GSR: variants seen among roughly 807,000 people sequenced by gnomAD.
The protein encoded by GSR is glutathione-disulfide reductase, also known as glutathione reductase, mitochondrial.
Under a neutral mutation model 56.5 loss-of-function variants are expected in GSR, and 48 were observed. The observed-to-expected ratio is 0.85, with a 90% CI of 0.67 to 1.08. The LOEUF is 1.08. Ranked by LOEUF, GSR falls within the 50% of genes least tolerant of loss-of-function variation. The pLI is 0.00. For missense variants in GSR, 694 were observed against 703.3 expected, an observed-to-expected ratio of 0.99 and a Z score of 0.15; for synonymous variants, 264 against 270.8, an observed-to-expected ratio of 0.97 and a Z score of 0.25.
At chr8:30,695,755 C>G (rs1332192004) in intron 7 of GSR, among the ~76,000 whole-genome samples, 1 of 151,996 alleles carries the variant, frequency 6.6e-6, no homozygotes. Context: ...AATAAATTAA[C>G]CTGGCGGGGC....
At chr8:30,709,598 A>C (rs1804037153) in intron 3 of GSR, among the ~76,000 whole-genome samples, 1 of 152,176 alleles carries the variant, frequency 6.6e-6, no homozygotes, top group Admixed American at 6.6e-5. Context: ...GGGATAGCAG[A>C]AAAGTTCTGG....
At chr8:30,720,385 G>A (rs1241521641) in intron 1 of GSR, among the ~76,000 whole-genome samples, 5 of 152,038 alleles carry the variant, frequency 3.3e-5, no homozygotes, top group Non-Finnish European at 7.4e-5. Context: ...AAACACTATC[G>A]ATTTATCAAC....
chr8:30,715,170 G>A (rs1313443366), intron 1 of GSR, among the ~76,000 whole-genome samples: 3 of 152,092 alleles, frequency 2.0e-5, no homozygotes, highest in African/African-American at 4.8e-5. Context: ...GTGCATGCCC[G>A]TAGTTCCAGC....
At chr8:30,684,603 A>G (rs931241608) in intron 9 of GSR, among the ~76,000 whole-genome samples, 8 of 152,208 alleles carry the variant, frequency 5.3e-5, no homozygotes, top group Middle Eastern at 3.2e-3. Context: ...TGTACAATTC[A>G]ACTGGCCAGG....
At chr8:30,699,291 TA>T (rs922563449) in intron 6 of GSR, among the ~76,000 whole-genome samples, 35 of 145,800 alleles carry the variant, frequency 2.4e-4, no homozygotes, top group East Asian at 8.0e-4. Context: ...ACCCTGTCTC[TA>T]AAAAAAAAAA....
At chr8:30,708,958 C>CAAAA (rs769951825) in intron 3 of GSR, among the ~76,000 whole-genome samples, 1 of 56,674 alleles carries the variant, frequency 1.8e-5, no homozygotes. Context: ...GACTCCGTCT[C>CAAAA]AAAAAAAAAA....
chr8:30,683,526 G>C (rs1459587398), intron 10 of GSR, among the ~76,000 whole-genome samples: 1 of 152,068 alleles, frequency 6.6e-6, no homozygotes, highest in Non-Finnish European at 1.5e-5. Context: ...GCCATGTGTG[G>C]TGGCTCATGC....
At chr8:30,696,872 T>G (rs1300638877) in intron 6 of GSR, among the ~76,000 whole-genome samples, 6 of 152,116 alleles carry the variant, frequency 3.9e-5, no homozygotes, top group African/African-American at 1.2e-4. Context: ...AGTTTTATAT[T>G]TTCTTTTGTA....
intron 1 of GSR, among the ~76,000 whole-genome samples, chr8:30,725,629 C>A (rs1465784591): frequency 1.3e-5 from 2 of 151,432 alleles, no homozygotes; most frequent in African/African-American, 4.9e-5. Context: ...TGCTTGTAAT[C>A]CAAGCACTTT....
chr8:30,709,942 A>C (rs938748737), intron 2 of GSR, 40 bp from the exon 3 acceptor site: 2 of 1,088,430 alleles, frequency 1.8e-6, no homozygotes, highest in Non-Finnish European at 1.4e-6. Flanking sequence ...AAACAGCAGT[A>C]AATCAGTCCT....
chr8:30,697,339 A>C (rs1803579279), intron 6 of GSR, among the ~76,000 whole-genome samples: 1 of 151,888 alleles, frequency 6.6e-6, no homozygotes, highest in South Asian at 2.1e-4. Flanking sequence ...GCTTGCCCTT[A>C]GGAGGCAGAG....
intron 10 of GSR, among the ~76,000 whole-genome samples, chr8:30,682,916 C>T (rs1301782545): frequency 1.3e-5 from 2 of 151,958 alleles, no homozygotes; most frequent in Non-Finnish European, 2.9e-5. Context: ...CAACCTCTGC[C>T]TCCCGGGTTG....
chr8:30,693,032 C>T lies in GSR; in HGVS notation c.819G>A (p.Met273Ile). The T allele has an allele frequency of 1.9e-6, 3 of 1,611,456 alleles. No homozygotes were observed. The highest frequency in any genetic ancestry group is 2.5e-6 in the Non-Finnish European group (3 of 1,177,912). ...GCTCCTCCGTGCAGTTGGTGCTGAT[C>T]ATTGAATCAAAACTTCTAAGTACCT... Reference protein sequence around the residue: ...HDKVLRSFDSMISTNCTEELE... With the variant: ...HDKVLRSFDSIISTNCTEELE... Residue 273 changes from methionine (M) to isoleucine (I), a missense_variant, in exon 8 of 13, where the codon ATG becomes ATA. Coordinates refer to ENST00000221130, the MANE Select transcript of GSR (RefSeq NM_000637.5).
At chr8:30,723,113 C>T (rs909764631) in intron 1 of GSR, among the ~76,000 whole-genome samples, 3 of 152,098 alleles carry the variant, frequency 2.0e-5, no homozygotes, top group Non-Finnish European at 2.9e-5. Flanking sequence ...AACCCAGGAC[C>T]GCAAGTTCCC....
chr8:30,698,905 G>A (rs1457931311), intron 6 of GSR, among the ~76,000 whole-genome samples: 1 of 152,136 alleles, frequency 6.6e-6, no homozygotes. Context: ...CAAGTGACAG[G>A]AGCATCCCTC....
At position 30,724,544 on chromosome 8, in the gene GSR, C is replaced by CTTTTTT. The variant is rs56145808; in HGVS notation, c.306+2980_306+2985dup. On this transcript the variant is annotated intron_variant, in intron 1 of 12. Coordinates refer to ENST00000221130, the MANE Select transcript of GSR (RefSeq NM_000637.5). ...CAAAGAATACTACCCAACCCCCCACCTTTTTTTTTTTTTTTTTTTTTTGAG... is the reference window on the plus strand; with the variant it reads ...CAAAGAATACTACCCAACCCCCCACCTTTTTTTTTTTTTTTTTTTTTTTTTTTTGAG... 1.8e-3 allele frequency among the ~76,000 whole-genome samples: 151 copies of CTTTTTT among 84,628 alleles called. 10 individuals are homozygous for CTTTTTT. Among genetic ancestry groups the CTTTTTT allele is most frequent in the Middle Eastern group, 0.012 (1 of 82 alleles). The allele number at this position is 84,628 out of a possible 152,430, so 55.5% of individuals were successfully genotyped here. A position where few individuals can be genotyped will look rare whatever the true frequency, so the allele number is the denominator to read the frequency against.
chr8:30,709,273 G>T (rs1804024456), intron 3 of GSR, among the ~76,000 whole-genome samples: 1 of 152,124 alleles, frequency 6.6e-6, no homozygotes, highest in Non-Finnish European at 1.5e-5. Context: ...GCTGAAGTGG[G>T]AGGATAGCTT....
intron 6 of GSR, 54 bp from the exon 7 acceptor site, chr8:30,696,533 T>C: frequency 2.4e-6 from 3 of 1,224,628 alleles, no homozygotes; most frequent in Non-Finnish European, 3.6e-6. Flanking sequence ...TTGGAATAAT[T>C]TCACGTTTAC....
intron 1 of GSR, among the ~76,000 whole-genome samples, chr8:30,719,368 G>A (rs530918332): frequency 2.6e-5 from 4 of 151,564 alleles, no homozygotes; most frequent in South Asian, 4.2e-4. Context: ...CGCCCACCTC[G>A]GCCTCCCAAA....
Sources: gnomAD v4.1 joint callset for allele counts (sites outside exome capture counted in the v4.1 genomes callset) on GRCh38, gnomAD v4.1.1 for gene constraint, MANE v1.5 for transcripts, NCBI Gene and HGNC (gene_info 2026-07-23, HGNC 2026-07-21) for gene names.